FLNB: variants seen among roughly 807,000 people sequenced by gnomAD.
FLNB encodes filamin B.
In FLNB, 111 loss-of-function variants were observed where a neutral mutation model predicts 250.6. The ratio of observed to expected loss-of-function variants is 0.44; its 90% CI spans 0.38 to 0.52. FLNB has a LOEUF of 0.52. Ranked by LOEUF, FLNB falls within the 20% of genes least tolerant of loss-of-function variation. The pLI is 0.00. For synonymous variants in FLNB, 1,302 were observed against 1,372.1 expected, an observed-to-expected ratio of 0.95 and a Z score of 1.13; for missense variants, 2,869 against 3,447.8, an observed-to-expected ratio of 0.83 and a Z score of 4.20.
In FLNB at chr3:58,142,024, G is replaced by C. The variant is rs2097327984; in HGVS notation, c.5181+95G>C. On this transcript the variant is annotated intron_variant, in intron 30 of 45. Transcript: ENST00000295956. This position sits in a 1 kb window ranked among gnomAD's most constrained non-coding sequence, Gnocchi z 4.3. ...CTGCTTCTGGGATTGCTTAAGCCCT[G>C]TGGGTGTCCTGGTCATTGGTGTGCC... The C allele has an allele frequency of 2.9e-6, 3 of 1,045,438 alleles. No individual in the cohort carries two copies. The highest frequency in any genetic ancestry group is 4.5e-6 in the Non-Finnish European group (3 of 666,488). The allele number at this position is 1,045,438 out of a possible 1,614,324, so 64.8% of individuals were successfully genotyped here.
rs142878980 is a variant in FLNB at position 58,169,706 on chromosome 3, G to A, written c.7534G>A (p.Ala2512Thr). Residue 2512 changes from alanine to threonine, a missense_variant, in exon 45 of 46, where the codon GCC becomes ACC. Around this residue, in one of 5 missense-constraint regions of FLNB, gnomAD observed 1,084 missense variants for 1,315.5 expected, o/e 0.82. Coordinates refer to ENST00000295956, the MANE Select transcript of FLNB (RefSeq NM_001457.4). The surrounding 1 kb of genome is among the most constrained non-coding windows in gnomAD (Gnocchi z 4.8). ...YSAIPKASSD[A>T]SKVTSKGAGL... ...CGCCATTCCCAAGGCATCCTCGGAC[G>A]CCAGCAAGGTGACCTCTAAGGGGGC... 118 of 1,613,964 alleles carry A rather than the reference G, an allele frequency of 7.3e-5. No homozygotes were observed. Among genetic ancestry groups the A allele is most frequent in the South Asian group, 2.4e-4 (22 of 91,082 alleles).
chr3:58,136,447 C>CT (rs2097316154), intron 28 of FLNB, among the ~76,000 whole-genome samples: 1 of 152,174 alleles, frequency 6.6e-6, no homozygotes, highest in Non-Finnish European at 1.5e-5. Context: ...TACATGATAA[C>CT]TATTATTATA....
At chr3:58,149,737 C>A in intron 36 of FLNB, 113 bp from the exon 37 acceptor site, 1 of 1,386,366 alleles carries the variant, frequency 7.2e-7, no homozygotes, top group Non-Finnish European at 1.0e-6. Flanking sequence ...TGCTTTCTTT[C>A]TGCTATGTAG....
chr3:58,170,790 T>G lies in FLNB; in HGVS notation c.*28T>G. ...CAGTTTTCTCAAATCCTGGAGAGAG[T>G]TCTTGTGGTTGCTTTTGTTGCTTGT... On this transcript the variant is annotated 3_prime_UTR_variant, in exon 46 of 46. Coordinates refer to ENST00000295956, the MANE Select transcript of FLNB (RefSeq NM_001457.4). The G allele has an allele frequency of 8.7e-6, 14 of 1,602,790 alleles. No individual in the cohort carries two copies. The highest frequency in any genetic ancestry group is 1.2e-5 in the Non-Finnish European group (14 of 1,171,406).
chr3:58,023,485 A>C (rs2097117611), intron 1 of FLNB, among the ~76,000 whole-genome samples: 1 of 152,222 alleles, frequency 6.6e-6, no homozygotes, highest in Non-Finnish European at 1.5e-5. Flanking sequence ...ATATAAAGAA[A>C]AAAATCACCT....
Position 58,163,625 on chromosome 3 carries a change from T to C in FLNB, c.7198+295T>C, listed in dbSNP as rs1307509330. ...GACTTTCAGAACAGGATGCTGATAG[T>C]CAGGGAACACAGCACAGTGTCATTA... On this transcript the variant is annotated intron_variant, in intron 43 of 45. Coordinates refer to ENST00000295956, the MANE Select transcript of FLNB (RefSeq NM_001457.4). The C allele has an allele frequency of 3.3e-5, 15 of 449,674 alleles. No individual in the cohort carries two copies. In the Admixed American group the frequency reaches 5.3e-4, roughly 16 times the overall value. The allele number at this position is 449,674 out of a possible 1,614,324, so 27.9% of individuals were successfully genotyped here.
intron 1 of FLNB, among the ~76,000 whole-genome samples, chr3:58,009,599 GC>G (rs2097095478): frequency 6.6e-6 from 1 of 152,178 alleles, no homozygotes; most frequent in South Asian, 2.1e-4. Flanking sequence ...TGTACCGTCA[GC>G]CTTCTAAGTT....
At chr3:58,120,689 G>A (rs1266449204) in intron 19 of FLNB, among the ~76,000 whole-genome samples, 2 of 152,126 alleles carry the variant, frequency 1.3e-5, no homozygotes, top group African/African-American at 2.4e-5. Context: ...TGGCTGCCAA[G>A]AATTAGTAAA....
intron 14 of FLNB, 105 bp downstream of exon 14, chr3:58,109,427 A>C: frequency 6.3e-7 from 1 of 1,586,378 alleles, no homozygotes; most frequent in Non-Finnish European, 8.6e-7. Context: ...GAAGGAACCC[A>C]TCCCTGGTGG....
chr3:58,148,358 C>T lies in FLNB; in HGVS notation c.5881C>T (p.His1961Tyr). ...TCTCCTGAAGAGGCTGCCCAACAAC[C>T]ACATTGGTGAGCTAGGCTACCCTTC... Reference protein sequence around the residue: ...PCLLKRLPNNHIGISFIPREV... With the variant: ...PCLLKRLPNNYIGISFIPREV... The change falls in exon 35 of 46, where the codon CAC becomes TAC. Residue 1961 changes from histidine (H) to tyrosine (Y), a missense_variant. Around this residue, in one of 5 missense-constraint regions of FLNB, gnomAD observed 1,084 missense variants for 1,315.5 expected, o/e 0.82. Transcript: ENST00000295956. The T allele has an allele frequency of 6.2e-7, 1 of 1,613,560 alleles. No individual in the cohort carries two copies. Among genetic ancestry groups the T allele is most frequent in the Non-Finnish European group, 8.5e-7 (1 of 1,179,816 alleles).
chr3:58,083,798 A>T (rs1329776871), intron 4 of FLNB, among the ~76,000 whole-genome samples: 1 of 152,132 alleles, frequency 6.6e-6, no homozygotes, highest in Non-Finnish European at 1.5e-5. Context: ...GTGGGTTGTG[A>T]GGTGTGTGAG....
chr3:58,113,096 G>A (rs2097271801), intron 18 of FLNB, among the ~76,000 whole-genome samples: 1 of 152,164 alleles, frequency 6.6e-6, no homozygotes, highest in Non-Finnish European at 1.5e-5. Context: ...TAGTTCATTA[G>A]TGTTAAGTGC....
rs1426237435 is a variant in FLNB at position 58,142,783 on chromosome 3, C to G, written c.5284+31C>G. On this transcript the variant is annotated intron_variant, in intron 31 of 45. Transcript: ENST00000295956. The surrounding 1 kb of genome is among the most constrained non-coding windows in gnomAD (Gnocchi z 4.3). ...CACTTGCCATAAAGGCCGTCTCATT[C>G]TCACTTGCTCTCACGAGCTTCCCAG... 6.4e-7 allele frequency: 1 copy of G among 1,563,944 alleles called. No individual in the cohort carries two copies. Among genetic ancestry groups the G allele is most frequent in the Non-Finnish European group, 8.8e-7 (1 of 1,134,852 alleles).
At chr3:58,049,590 T>C (rs1180271590) in intron 1 of FLNB, among the ~76,000 whole-genome samples, 2 of 152,106 alleles carry the variant, frequency 1.3e-5, no homozygotes, top group Admixed American at 1.3e-4. Context: ...AGGTAGGGTG[T>C]GGAGGAATTT....
intron 24 of FLNB, 129 bp downstream of exon 24, chr3:58,126,891 C>A: frequency 1.2e-6 from 1 of 829,226 alleles, no homozygotes; most frequent in Non-Finnish European, 2.0e-6. Context: ...GAGAGTTTTT[C>A]TTAGGGCTAC....
At chr3:58,155,893 G>T in intron 40 of FLNB, 67 bp from the exon 41 acceptor site, 1 of 1,113,962 alleles carries the variant, frequency 9.0e-7, no homozygotes, top group Non-Finnish European at 1.4e-6. Context: ...TTTAGCCCTT[G>T]GTGAGAAGCA....
intron 9 of FLNB, 45 bp downstream of exon 9, chr3:58,102,385 A>G (rs1445987104): frequency 3.7e-6 from 6 of 1,606,354 alleles, no homozygotes; most frequent in Non-Finnish European, 5.1e-6. Context: ...GTTTTGGCTA[A>G]CTTTGCAGCC....
chr3:58,125,133 A>ATTGTT (rs2097295583), intron 22 of FLNB, among the ~76,000 whole-genome samples: 1 of 151,888 alleles, frequency 6.6e-6, no homozygotes, highest in East Asian at 1.9e-4. Context: ...TTACTGTGGG[A>ATTGTT]TTGTTTTGTT....
chr3:58,104,113 C>T, intron 10 of FLNB, 28 bp downstream of exon 10: 1 of 1,612,560 alleles, frequency 6.2e-7, no homozygotes, highest in Non-Finnish European at 8.5e-7. Flanking sequence ...GAGGGGTCTT[C>T]TCTGGAGGGT....
Sources: allele counts gnomAD v4.1 joint callset (sites outside exome capture counted in the v4.1 genomes callset), GRCh38; gene constraint gnomAD v4.1.1; regional missense constraint gnomAD v4.1.1; non-coding constraint Gnocchi (gnomAD v3.1); transcripts MANE v1.5; gene names NCBI Gene and HGNC (gene_info 2026-07-23, HGNC 2026-07-21).